The following IGFBP7 variants were observed in gnomAD, a reference collection of about 807,000 sequenced individuals.
IGFBP7 encodes the protein insulin like growth factor binding protein 7.
In IGFBP7, 31 loss-of-function variants were observed where a neutral mutation model predicts 29.4. That is an observed-to-expected ratio of 1.05 (90% CI 0.79 to 1.42). IGFBP7 has a LOEUF of 1.42. Ranked by LOEUF, IGFBP7 falls within the 40% of genes most tolerant of loss-of-function variation. IGFBP7 has a pLI of 0.00. For missense variants in IGFBP7, 393 were observed against 395.5 expected (o/e 0.99, Z 0.05); for synonymous variants, 172 against 174.9 (o/e 0.98, Z 0.13).
intron 1 of IGFBP7, among the ~76,000 whole-genome samples, chr4:57,045,682 C>T (rs1436390093): frequency 2.0e-5 from 3 of 151,858 alleles, no homozygotes; most frequent in Non-Finnish European, 4.4e-5. Flanking sequence ...TTCTTTACCA[C>T]TTACCTGGTC....
chr4:57,063,967 A>G (rs1724857089), intron 1 of IGFBP7, among the ~76,000 whole-genome samples: 1 of 152,234 alleles, frequency 6.6e-6, no homozygotes, highest in Non-Finnish European at 1.5e-5. Flanking sequence ...TTATTAGTCA[A>G]TTTATAAAAT....
chr4:57,079,179 C>T (rs1362413433), intron 1 of IGFBP7, among the ~76,000 whole-genome samples: 2 of 152,028 alleles, frequency 1.3e-5, no homozygotes, highest in Non-Finnish European at 2.9e-5. Flanking sequence ...TTGTTAAACA[C>T]GATCGTTTCT....
chr4:57,085,359 T>A (rs1725473114), intron 1 of IGFBP7, among the ~76,000 whole-genome samples: 1 of 152,142 alleles, frequency 6.6e-6, no homozygotes, highest in Non-Finnish European at 1.5e-5. Context: ...TTTTGATCAT[T>A]CCTCCTTTCT....
At chr4:57,059,739 A>G (rs1400280088) in intron 1 of IGFBP7, among the ~76,000 whole-genome samples, 1 of 152,148 alleles carries the variant, frequency 6.6e-6, no homozygotes, top group Non-Finnish European at 1.5e-5. Context: ...GTACCCCCAA[A>G]CCTAAAATAA....
Position 57,031,109 on chromosome 4 carries a change from A to C in IGFBP7, c.*208T>G, listed in dbSNP as rs2109731420. ...TAAAAAGTATTTTATTTGTTTAATG[A>C]TATGCATGCTTTTCTTCTGTAAATA... On this transcript the variant is annotated 3_prime_UTR_variant, in exon 5 of 5. Coordinates refer to ENST00000295666, the MANE Select transcript of IGFBP7 (RefSeq NM_001553.3). 6.8e-6 allele frequency: 5 copies of C among 734,798 alleles called. No homozygotes were observed. The highest frequency in any genetic ancestry group is 6.7e-5 in the South Asian group (4 of 59,972). The allele number at this position is 734,798 out of a possible 1,614,324, so 45.5% of individuals were successfully genotyped here.
At chr4:57,086,372 G>A (rs779303997) in intron 1 of IGFBP7, among the ~76,000 whole-genome samples, 5 of 152,200 alleles carry the variant, frequency 3.3e-5, no homozygotes, top group South Asian at 2.1e-4. Flanking sequence ...GGTTTTGAGA[G>A]TTCACGGGAC....
chr4:57,057,670 A>C (rs1287441385), intron 1 of IGFBP7, among the ~76,000 whole-genome samples: 5 of 152,128 alleles, frequency 3.3e-5, no homozygotes, highest in African/African-American at 1.2e-4. Flanking sequence ...GTATGTTCTC[A>C]GGGAGTCTCT....
At chr4:57,083,438 T>A (rs1040269528) in intron 1 of IGFBP7, among the ~76,000 whole-genome samples, 5 of 152,260 alleles carry the variant, frequency 3.3e-5, no homozygotes, top group Admixed American at 3.3e-4. Context: ...TAATGGCCAC[T>A]TGCAGTTGTT....
At chr4:57,067,575 G>A (rs541716596) in intron 1 of IGFBP7, among the ~76,000 whole-genome samples, 2 of 152,096 alleles carry the variant, frequency 1.3e-5, no homozygotes, top group Admixed American at 6.5e-5. Flanking sequence ...CTGTTCAATG[G>A]GTATAAAATT....
intron 1 of IGFBP7, among the ~76,000 whole-genome samples, chr4:57,084,710 G>A (rs573244019): frequency 6.6e-6 from 1 of 151,358 alleles, no homozygotes; most frequent in Non-Finnish European, 1.5e-5. Flanking sequence ...AAAATCAGGG[G>A]CTGTCAAATG....
At chr4:57,103,710 G>C (rs933167094) in intron 1 of IGFBP7, among the ~76,000 whole-genome samples, 1 of 127,370 alleles carries the variant, frequency 7.9e-6, no homozygotes, top group African/African-American at 3.0e-5. Context: ...CCAGGCTGGA[G>C]TGCAGTGGTA....
chr4:57,035,183 T>C (rs926995494), intron 2 of IGFBP7, among the ~76,000 whole-genome samples: 1 of 152,204 alleles, frequency 6.6e-6, no homozygotes, highest in African/African-American at 2.4e-5. Context: ...AGTAACAGCA[T>C]TTTATGCTAA....
Position 57,030,989 on chromosome 4 carries a change from C to T in IGFBP7, c.*328G>A, listed in dbSNP as rs1436918461. On this transcript the variant is annotated 3_prime_UTR_variant, in exon 5 of 5. Coordinates refer to ENST00000295666, the MANE Select transcript of IGFBP7 (RefSeq NM_001553.3). Reference sequence around the variant, plus strand: ...TGCACCGCGAATGATGAGTGTTTAGCTATTTTACAGGAGTCAACAAGATAA... The same window carrying T: ...TGCACCGCGAATGATGAGTGTTTAGTTATTTTACAGGAGTCAACAAGATAA... The T allele has an allele frequency of 1.9e-6, 3 of 1,552,162 alleles. No individual in the cohort carries two copies. The highest frequency in any genetic ancestry group is 2.7e-6 in the Non-Finnish European group (3 of 1,123,702).
intron 1 of IGFBP7, among the ~76,000 whole-genome samples, chr4:57,047,377 T>C (rs886128658): frequency 3.3e-5 from 5 of 152,334 alleles, no homozygotes; most frequent in African/African-American, 1.2e-4. Flanking sequence ...CCATTAACCA[T>C]CTTTTTCTTA....
intron 1 of IGFBP7, among the ~76,000 whole-genome samples, chr4:57,104,021 A>G (rs1355919903): frequency 6.6e-6 from 1 of 150,694 alleles, no homozygotes; most frequent in Non-Finnish European, 1.5e-5. Flanking sequence ...TCCCAACCCC[A>G]TCTCTGGTAA....
At chr4:57,105,766 T>TAAATATTAGTTGAAACAATG (rs1726013897) in intron 1 of IGFBP7, among the ~76,000 whole-genome samples, 1 of 152,182 alleles carries the variant, frequency 6.6e-6, no homozygotes. Flanking sequence ...ACACGTGGAA[T>TAAATATTAGTTGAAACAATG]AAATATTAGT....
In IGFBP7 at chr4:57,031,287, A is replaced by T; in HGVS notation, c.*30T>A. 6.3e-7 allele frequency: 1 copy of T among 1,582,998 alleles called. No homozygotes were observed. The highest frequency in any genetic ancestry group is 1.3e-5 in the African/African-American group (1 of 74,484). On this transcript the variant is annotated 3_prime_UTR_variant, in exon 5 of 5. Transcript: ENST00000295666. ...AATGTAGTTATCCATGACTACTTTT[A>T]ACCATGCAGACTAATAATATTCTGG...
intron 1 of IGFBP7, among the ~76,000 whole-genome samples, chr4:57,069,520 C>T (rs1197713959): frequency 6.6e-6 from 1 of 152,074 alleles, no homozygotes; most frequent in African/African-American, 2.4e-5. Flanking sequence ...ATGGTCTGTC[C>T]TTCTGTGGTG....
chr4:57,051,554 G>A (rs914665989), intron 1 of IGFBP7, among the ~76,000 whole-genome samples: 32 of 152,214 alleles, frequency 2.1e-4, no homozygotes, highest in Non-Finnish European at 3.4e-4. Context: ...AAGTGTGTAA[G>A]AACTGCTTCC....
Sources: allele counts gnomAD v4.1 joint callset (sites outside exome capture counted in the v4.1 genomes callset), GRCh38; gene constraint gnomAD v4.1.1; transcripts MANE v1.5; gene names NCBI Gene and HGNC (gene_info 2026-07-23, HGNC 2026-07-21).